TBX5: variants seen among roughly 807,000 people sequenced by gnomAD.
TBX5 encodes T-box transcription factor 5.
Under a neutral mutation model 51.1 loss-of-function variants are expected in TBX5, and 8 were observed. The observed-to-expected ratio is 0.16, with a 90% CI of 0.09 to 0.28. TBX5 has a LOEUF of 0.28. TBX5 is among the 10% of genes least tolerant of loss of function. TBX5 has a pLI of 1.00. For synonymous variants in TBX5, 302 were observed against 266.4 expected (o/e 1.13, Z -1.30); for missense variants, 589 against 671.7 (o/e 0.88, Z 1.36).
At chr12:114,382,614 C>G (rs1195285234) in intron 7 of TBX5, among the ~76,000 whole-genome samples, 2 of 152,028 alleles carry the variant, frequency 1.3e-5, no homozygotes, top group South Asian at 2.1e-4. Context: ...GCCTGGCCAA[C>G]ATGGTGAACT....
chr12:114,355,297 T>G lies in TBX5; in HGVS notation c.*235A>C. 1.6e-6 allele frequency: 1 copy of G among 609,020 alleles called. No individual in the cohort carries two copies. The allele number at this position is 609,020 out of a possible 1,614,324, so 37.7% of individuals were successfully genotyped here. On this transcript the variant is annotated 3_prime_UTR_variant, in exon 9 of 9. Transcript: ENST00000405440. ...GTAGTGGGGGGTGGGACTCATCTTT[T>G]TGTGTTTGTTTTTTTAAGTTTTGAG...
At chr12:114,391,392 A>G (rs1871135454) in intron 6 of TBX5, among the ~76,000 whole-genome samples, 1 of 152,192 alleles carries the variant, frequency 6.6e-6, no homozygotes, top group South Asian at 2.1e-4. Context: ...AGTTTTCCGA[A>G]GTCTGTGTTT....
At chr12:114,365,149 A>G (rs1869444694) in intron 8 of TBX5, among the ~76,000 whole-genome samples, 1 of 149,652 alleles carries the variant, frequency 6.7e-6, no homozygotes, top group African/African-American at 2.5e-5. Flanking sequence ...GGGGGATGAG[A>G]CGGGGAAAAT....
At chr12:114,388,333 G>C (rs1473509973) in intron 6 of TBX5, among the ~76,000 whole-genome samples, 1 of 151,738 alleles carries the variant, frequency 6.6e-6, no homozygotes, top group Non-Finnish European at 1.5e-5. Context: ...AATTTTTGTA[G>C]TTTTAGCAGA....
rs1868821423 is a variant in TBX5, at chr12:114,355,409, C to T, written c.*123G>A. On this transcript the variant is annotated 3_prime_UTR_variant, in exon 9 of 9. Transcript: ENST00000405440. ...CAGCGACCTTGAGTGCAGATGTGAACATTGGGTGAAATGAAAAATCTTGTC... is the reference window on the plus strand; with the variant it reads ...CAGCGACCTTGAGTGCAGATGTGAATATTGGGTGAAATGAAAAATCTTGTC... The T allele has an allele frequency of 7.9e-7, 1 of 1,259,504 alleles. No individual in the cohort carries two copies. Among genetic ancestry groups the T allele is most frequent in the African/African-American group, 1.5e-5 (1 of 67,516 alleles). The allele number at this position is 1,259,504 out of a possible 1,614,324, so 78.0% of individuals were successfully genotyped here.
upstream of TBX5, chr12:114,406,929 G>C (rs1872268328): frequency 2.1e-6 from 1 of 482,288 alleles, no homozygotes; most frequent in African/African-American, 2.1e-5. Context: ...AGCAGACCCA[G>C]ATTGGGACAC....
Position 114,394,890 on chromosome 12 carries a change from T to A in TBX5, c.514A>T (p.Ile172Phe). 6.2e-7 allele frequency: 1 copy of A among 1,613,618 alleles called. No individual in the cohort carries two copies. Among genetic ancestry groups the A allele is most frequent in the Non-Finnish European group, 8.5e-7 (1 of 1,179,688 alleles). The change falls in exon 6 of 9, where the codon ATT becomes TTT. Residue 172 changes from isoleucine to phenylalanine, a missense_variant. Ile to Phe is a conservative substitution (Grantham distance 21). Transcript: ENST00000405440. ...NNHLDPFGHI[I>F]LNSMHKYQPR... ...TGGTATTTGTGCATGGAATTTAGAA[T>A]AATCTAAAAATAATAAAGAAAATGA...
At chr12:114,367,622 T>G (rs1593848644) in intron 7 of TBX5, among the ~76,000 whole-genome samples, 5 of 97,356 alleles carry the variant, frequency 5.1e-5, no homozygotes, top group East Asian at 2.8e-4. Context: ...ATGAGAGAGG[T>G]GGGGAATGGA....
intron 6 of TBX5, among the ~76,000 whole-genome samples, chr12:114,386,175 A>G (rs1218290379): frequency 6.6e-6 from 1 of 152,240 alleles, no homozygotes; most frequent in Non-Finnish European, 1.5e-5. Flanking sequence ...GAACAGCACC[A>G]AACCTCTTTA....
At chr12:114,361,011 C>T (rs767633797) in intron 8 of TBX5, among the ~76,000 whole-genome samples, 13 of 152,222 alleles carry the variant, frequency 8.5e-5, no homozygotes, top group African/African-American at 2.2e-4. Context: ...TTCTTGAGAG[C>T]GGGAGCCTTT....
intron 7 of TBX5, among the ~76,000 whole-genome samples, chr12:114,384,494 C>T (rs1331676089): frequency 6.6e-6 from 1 of 152,088 alleles, no homozygotes; most frequent in Non-Finnish European, 1.5e-5. Flanking sequence ...TATCTAAAAA[C>T]AATTTTTCCA....
chr12:114,375,461 TA>T (rs1371454798), intron 7 of TBX5, among the ~76,000 whole-genome samples: 1 of 151,888 alleles, frequency 6.6e-6, no homozygotes, highest in African/African-American at 2.4e-5. Context: ...AAAATCCCAT[TA>T]AAAAATGGGC....
intron 6 of TBX5, among the ~76,000 whole-genome samples, chr12:114,386,945 TTAA>T (rs1167206896): frequency 2.1e-3 from 89 of 42,216 alleles, no homozygotes; most frequent in Admixed American, 5.6e-3. Flanking sequence ...AATACAAAAT[TTAA>T]AAAAAAAAAT....
rs1868813829 is a variant in TBX5, at chr12:114,355,329, C to A, written c.*203G>T. ...TGTTTTTTTAAGTTTTGAGACAAAA[C>A]AAGAAAGTCACATTTTTAAAATTGT... is the stretch of plus-strand genomic sequence containing the variant. On this transcript the variant is annotated 3_prime_UTR_variant, in exon 9 of 9. Coordinates refer to ENST00000405440, the MANE Select transcript of TBX5 (RefSeq NM_181486.4). The A allele has an allele frequency of 1.4e-6, 1 of 734,778 alleles. No homozygotes were observed. The highest frequency in any genetic ancestry group is 2.4e-6 in the Non-Finnish European group (1 of 424,220). 45.5% of individuals were successfully genotyped at this position (734,778 alleles called of 1,614,324 possible).
intron 5 of TBX5, among the ~76,000 whole-genome samples, chr12:114,397,149 G>A (rs538344287): frequency 2.4e-4 from 37 of 151,838 alleles, no homozygotes; most frequent in African/African-American, 8.2e-4. Flanking sequence ...ATCCTCCCCC[G>A]CCCCCTTGAC....
intron 2 of TBX5, among the ~76,000 whole-genome samples, chr12:114,403,285 A>AGGAGGAGGCG (rs372643181): frequency 1.2e-4 from 18 of 152,292 alleles, no homozygotes; most frequent in Middle Eastern, 3.4e-3. Context: ...AGGAGGAGGC[A>AGGAGGAGGCG]GGAGGAGGCG....
chr12:114,393,312 G>A (rs1013380339), intron 6 of TBX5, among the ~76,000 whole-genome samples: 7 of 152,016 alleles, frequency 4.6e-5, no homozygotes, highest in Non-Finnish European at 4.4e-5. Context: ...TAGGTGACCT[G>A]CCCTCACAGA....
chr12:114,399,698 CA>C, intron 3 of TBX5, 66 bp from the exon 4 acceptor site: 1 of 1,611,782 alleles, frequency 6.2e-7, no homozygotes, highest in South Asian at 1.1e-5. Flanking sequence ...AGGCAGCCTC[CA>C]TCCATTTTAA....
At chr12:114,394,312 C>T (rs2136409933) in intron 6 of TBX5, among the ~76,000 whole-genome samples, 1 of 152,228 alleles carries the variant, frequency 6.6e-6, no homozygotes, top group Non-Finnish European at 1.5e-5. Context: ...GAGTGAGACC[C>T]TGTCTCGGAG....
Sources: gnomAD v4.1 joint callset for allele counts (sites outside exome capture counted in the v4.1 genomes callset) on GRCh38, gnomAD v4.1.1 for gene constraint, MANE v1.5 for transcripts, NCBI Gene and HGNC (gene_info 2026-07-23, HGNC 2026-07-21) for gene names.